The following PANX1 variants were observed in gnomAD, a reference collection of about 807,000 sequenced individuals.
PANX1 encodes the protein pannexin-1.
PANX1 carries 30 observed loss-of-function variants against 38.7 expected under a neutral mutation model. The ratio of observed to expected loss-of-function variants is 0.78; its 90% confidence interval spans 0.58 to 1.05. The LOEUF (loss-of-function observed/expected upper bound fraction) is 1.05. Among genes scored for constraint, PANX1 ranks in the 50% least tolerant of loss-of-function variants. The pLI, the probability that PANX1 is intolerant of heterozygous loss-of-function variation, is 0.00. For missense variants in PANX1, 551 were observed against 517.2 expected (o/e 1.07, Z -0.63); for synonymous variants, 230 against 212.2 (o/e 1.08, Z -0.73).
At chr11:94,176,614 T>C (rs1386447258) in intron 2 of PANX1, among the ~76,000 whole-genome samples, 1 of 151,568 alleles carries the variant, frequency 6.6e-6, no homozygotes, top group Non-Finnish European at 1.5e-5. Context: ...GGCCATGTTG[T>C]GGGGGCTGCC....
chr11:94,133,262 G>A (rs1946651868), intron 1 of PANX1, among the ~76,000 whole-genome samples: 1 of 152,218 alleles, frequency 6.6e-6, no homozygotes, highest in Non-Finnish European at 1.5e-5. Flanking sequence ...GGTGGGGACT[G>A]TGTTGGGGAC....
intron 1 of PANX1, among the ~76,000 whole-genome samples, chr11:94,141,084 A>G (rs1946756956): frequency 6.6e-6 from 1 of 152,190 alleles, no homozygotes; most frequent in South Asian, 2.1e-4. Context: ...TCGTGAACAT[A>G]GTTTTAATGT....
intron 2 of PANX1, among the ~76,000 whole-genome samples, chr11:94,160,254 A>G (rs1300727082): frequency 6.6e-6 from 1 of 152,166 alleles, no homozygotes; most frequent in Non-Finnish European, 1.5e-5. Context: ...TGCTTGATGC[A>G]GAGCTGAGTT....
chr11:94,146,039 A>G (rs1946825656), intron 1 of PANX1, among the ~76,000 whole-genome samples: 1 of 152,224 alleles, frequency 6.6e-6, no homozygotes, highest in Non-Finnish European at 1.5e-5. Context: ...TTTACCCACC[A>G]AAAGGAACCC....
At chr11:94,162,197 T>C (rs1033938253) in intron 2 of PANX1, among the ~76,000 whole-genome samples, 24 of 152,162 alleles carry the variant, frequency 1.6e-4, no homozygotes, top group African/African-American at 5.8e-4. Context: ...GTCTGTCCAT[T>C]CTCAGACCTC....
intron 1 of PANX1, among the ~76,000 whole-genome samples, chr11:94,151,654 G>A (rs956427038): frequency 6.6e-6 from 1 of 152,214 alleles, no homozygotes; most frequent in Non-Finnish European, 1.5e-5. Context: ...AACCGTGTGA[G>A]CTTAGTGCCA....
rs1234452792 is a variant in PANX1 at position 94,129,480 on chromosome 11, G to C, written c.168G>C (p.Gln56His). 6.2e-7 allele frequency: 1 copy of C among 1,610,522 alleles called. No homozygotes were observed. Among genetic ancestry groups the C allele is most frequent in the African/African-American group, 1.3e-5 (1 of 74,818 alleles). The change falls in exon 1 of 5, where the codon CAG becomes CAC. Residue 56 changes from glutamine (Q) to histidine (H), a missense_variant. Transcript: ENST00000227638. ...PLLLISLAFA[Q>H]EISIGTQISC... ...TGCTCATCTCGCTGGCCTTCGCGCA[G>C]GAGATCTCGATTGGTAAGCCTCGCC...
rs1182064464 is a variant in PANX1, at chr11:94,129,359, T to G, written c.47T>G (p.Leu16Trp). 6.2e-7 allele frequency: 1 copy of G among 1,613,692 alleles called. No homozygotes were observed. Among genetic ancestry groups the G allele is most frequent in the African/African-American group, 1.3e-5 (1 of 74,920 alleles). Residue 16 changes from leucine to tryptophan, a missense_variant, in exon 1 of 5, where the codon TTG becomes TGG. Physicochemically the swap from Leu to Trp is moderately conservative, Grantham distance 61. Coordinates refer to ENST00000227638, the MANE Select transcript of PANX1 (RefSeq NM_015368.4). ...ACGGAGTACGTGTTCTCGGATTTCT[T>G]GCTGAAGGAGCCCACGGAGCCCAAG... The part of the protein sequence containing the change: ...LATEYVFSDF[L>W]LKEPTEPKFK...
At chr11:94,152,053 C>A (rs909441450) in intron 1 of PANX1, among the ~76,000 whole-genome samples, 1 of 137,418 alleles carries the variant, frequency 7.3e-6, no homozygotes, top group Admixed American at 6.8e-5. Context: ...AGTGTCGAGG[C>A]CTTTTATGTG....
intron 2 of PANX1, chr11:94,175,738 TC>T: frequency 6.1e-6 from 6 of 984,562 alleles, no homozygotes; most frequent in Non-Finnish European, 7.2e-6. Flanking sequence ...ACATTCCTTC[TC>T]CCCACAGCCA....
At chr11:94,131,125 C>T (rs184211776) in intron 1 of PANX1, among the ~76,000 whole-genome samples, 2 of 151,970 alleles carry the variant, frequency 1.3e-5, no homozygotes, top group African/African-American at 4.8e-5. Flanking sequence ...GTGCTGACCT[C>T]CAAGGACCCG....
intron 1 of PANX1, among the ~76,000 whole-genome samples, chr11:94,138,956 T>G (rs1022903252): frequency 6.6e-6 from 1 of 152,258 alleles, no homozygotes; most frequent in Admixed American, 6.5e-5. Context: ...ATGATTTTAT[T>G]TGAACATTTA....
chr11:94,158,875 A>G (rs1410615333), intron 2 of PANX1, among the ~76,000 whole-genome samples: 12 of 152,126 alleles, frequency 7.9e-5, no homozygotes, highest in African/African-American at 1.9e-4. Flanking sequence ...GTATGATATC[A>G]GCTGTGGGTT....
intron 1 of PANX1, among the ~76,000 whole-genome samples, chr11:94,143,471 A>C (rs906637925): frequency 6.6e-6 from 1 of 152,200 alleles, no homozygotes; most frequent in Non-Finnish European, 1.5e-5. Flanking sequence ...AAGAAATAAA[A>C]ATACTAGTTC....
intron 2 of PANX1, among the ~76,000 whole-genome samples, chr11:94,177,253 G>A (rs1947245141): frequency 6.6e-6 from 1 of 150,484 alleles, no homozygotes; most frequent in Non-Finnish European, 1.5e-5. Context: ...AGAGCCACTT[G>A]GTAAGCACAG....
chr11:94,151,996 C>G (rs375460512), intron 1 of PANX1, among the ~76,000 whole-genome samples: 3 of 152,306 alleles, frequency 2.0e-5, no homozygotes, highest in East Asian at 3.9e-4. Flanking sequence ...CATCACTTCT[C>G]TCTTGTACCA....
Position 94,129,468 on chromosome 11 carries a change from G to A in PANX1, c.156G>A (p.Leu52=), listed in dbSNP as rs1049543406. The A allele has an allele frequency of 3.1e-6, 5 of 1,613,034 alleles. No homozygotes were observed. The highest frequency in any genetic ancestry group is 4.2e-6 in the Non-Finnish European group (5 of 1,179,324). The change falls in exon 1 of 5, where the codon CTG becomes CTA. Residue 52 remains leucine, a synonymous_variant. Transcript: ENST00000227638. The stretch of plus-strand genomic sequence containing the variant: ...GGCTGCCCCTGCTGCTCATCTCGCT[G>A]GCCTTCGCGCAGGAGATCTCGATTG... The part of the protein sequence containing the change: ...AVGLPLLLIS[L]AFAQEISIGT...
chr11:94,135,005 G>T (rs1361583792), intron 1 of PANX1, among the ~76,000 whole-genome samples: 1 of 152,196 alleles, frequency 6.6e-6, no homozygotes, highest in Non-Finnish European at 1.5e-5. Flanking sequence ...CCTGTGCCCT[G>T]CGCTTAGGGC....
intron 1 of PANX1, among the ~76,000 whole-genome samples, chr11:94,152,735 G>A (rs182082835): frequency 6.6e-6 from 1 of 152,342 alleles, no homozygotes; most frequent in African/African-American, 2.4e-5. Context: ...AGGTTTTACA[G>A]ATGTGACGGT....
Sources: allele counts gnomAD v4.1 joint callset (sites outside exome capture counted in the v4.1 genomes callset), GRCh38; gene constraint gnomAD v4.1.1; transcripts MANE v1.5; gene names NCBI Gene and HGNC (gene_info 2026-07-23, HGNC 2026-07-21).